The following BBS9 variants were observed in gnomAD, a reference collection of about 807,000 sequenced individuals.
BBS9 encodes Bardet-Biedl syndrome 9.
Under a neutral mutation model 117.7 loss-of-function variants are expected in BBS9, and 89 were observed. The ratio of observed to expected loss-of-function variants is 0.76; its 90% confidence interval spans 0.64 to 0.90. The LOEUF is 0.90. BBS9 is among the 40% of genes least tolerant of loss of function. BBS9 has a pLI of 0.00. For missense variants in BBS9, 982 were observed against 1,042.2 expected, an observed-to-expected ratio of 0.94 and a Z score of 0.80; for synonymous variants, 379 against 370.9, an observed-to-expected ratio of 1.02 and a Z score of -0.25.
At chr7:33,263,460 A>G (rs575037088) in intron 6 of BBS9, among the ~76,000 whole-genome samples, 2 of 152,288 alleles carry the variant, frequency 1.3e-5, no homozygotes, top group African/African-American at 4.8e-5. Flanking sequence ...TATGCCATTA[A>G]TTAATGAGAA....
rs763552337 is a variant in BBS9 at position 33,349,115 on chromosome 7, C to T, written c.1377C>T (p.Val459=). ...TATTGCAAAAAGCCAAATTATCAGT[C>T]TACGTGCAACCACCATTAGAATTGA... is the stretch of plus-strand genomic sequence containing the variant. The part of the protein sequence containing the change: ...RVILQKAKLS[V]YVQPPLELTC... The change falls in exon 13 of 23, where the codon GTC becomes GTT. Residue 459 remains valine (V), a synonymous_variant. Coordinates refer to ENST00000242067, the MANE Select transcript of BBS9 (RefSeq NM_198428.3). The T allele has an allele frequency of 9.9e-6, 16 of 1,613,340 alleles. No individual in the cohort carries two copies. Among genetic ancestry groups the T allele is most frequent in the African/African-American group, 1.3e-5 (1 of 74,898 alleles).
At chr7:33,152,954 T>G in intron 3 of BBS9, 103 bp downstream of exon 3, 1 of 1,334,090 alleles carries the variant, frequency 7.5e-7, no homozygotes, top group Non-Finnish European at 1.1e-6. Flanking sequence ...GAATTAAATA[T>G]ATTTTCTGGA....
chr7:33,259,541 A>T (rs1016498245), intron 6 of BBS9, among the ~76,000 whole-genome samples: 14 of 145,012 alleles, frequency 9.7e-5, no homozygotes, highest in South Asian at 8.7e-4. Flanking sequence ...GCCCTGAGAC[A>T]TTTTTTTTTT....
chr7:33,458,396 T>C (rs1838959098), intron 19 of BBS9, among the ~76,000 whole-genome samples: 1 of 152,186 alleles, frequency 6.6e-6, no homozygotes, highest in Non-Finnish European at 1.5e-5. Flanking sequence ...TTTGAGAGTA[T>C]ATGGTATCAG....
At chr7:33,196,238 T>TAA (rs959648679) in intron 5 of BBS9, among the ~76,000 whole-genome samples, 2 of 152,172 alleles carry the variant, frequency 1.3e-5, no homozygotes, top group African/African-American at 4.8e-5. Flanking sequence ...TCTGAGGTTT[T>TAA]GCTACATCTT....
In BBS9 at chr7:33,542,772, A is replaced by AGT. The variant is rs1230970540; in HGVS notation, c.2521+8597_2521+8598dup. Among the ~76,000 whole-genome samples the AGT allele has an allele frequency of 2.6e-3, 262 of 102,238 alleles. 3 individuals are homozygous for AGT. Among genetic ancestry groups the AGT allele is most frequent in the African/African-American group, 8.0e-3 (209 of 26,160 alleles). The allele number at this position is 102,238 out of a possible 152,430, so 67.1% of individuals were successfully genotyped here. A position where few individuals can be genotyped will look rare whatever the true frequency, so the allele number is the denominator to read the frequency against. ...ATATATATACACGTATGTATATGTG[A>AGT]GTATATATATATATATGTACACACA... is the stretch of plus-strand genomic sequence containing the variant. On this transcript the variant is annotated intron_variant, in intron 21 of 22. Transcript: ENST00000242067.
At chr7:33,539,864 C>T (rs1852003376) in intron 21 of BBS9, among the ~76,000 whole-genome samples, 2 of 152,152 alleles carry the variant, frequency 1.3e-5, no homozygotes, top group Non-Finnish European at 2.9e-5. Context: ...GCAGCCAATT[C>T]GTGTTGTATT....
intron 21 of BBS9, among the ~76,000 whole-genome samples, chr7:33,593,490 CTAAA>C (rs1862262074): frequency 8.2e-6 from 1 of 122,018 alleles, no homozygotes; most frequent in Non-Finnish European, 1.5e-5. Flanking sequence ...AGGTTAAGAA[CTAAA>C]TGTGTTAGAA....
At chr7:33,275,907 A>C (rs1421378756) in intron 9 of BBS9, among the ~76,000 whole-genome samples, 1 of 152,182 alleles carries the variant, frequency 6.6e-6, no homozygotes, top group East Asian at 1.9e-4. Context: ...CCAAATTTTC[A>C]TATAGTGTGC....
chr7:33,364,742 C>T lies in BBS9; in HGVS notation c.1694-3025C>T, dbSNP rs188073297. Among the ~76,000 whole-genome samples the T allele has an allele frequency of 4.1e-3, 579 of 142,666 alleles. 1 individual carries two copies. The highest frequency in any genetic ancestry group is 6.6e-3 in the Non-Finnish European group (433 of 65,490). The allele number at this position is 142,666 out of a possible 152,430, so 93.6% of individuals were successfully genotyped here. A position where few individuals can be genotyped will look rare whatever the true frequency, so the allele number is the denominator to read the frequency against. ...CCTCCTCCCCCTCCTCTCACCTCCC[C>T]TCCTCTCTCAGGGTCTTGCTCTGTC... On this transcript the variant is annotated intron_variant, in intron 16 of 22. Transcript: ENST00000242067.
intron 4 of BBS9, among the ~76,000 whole-genome samples, chr7:33,161,003 C>A (rs1794755241): frequency 6.6e-6 from 1 of 152,094 alleles, no homozygotes; most frequent in Non-Finnish European, 1.5e-5. Flanking sequence ...GTTTAAATGG[C>A]TCATCAGCTA....
intron 21 of BBS9, among the ~76,000 whole-genome samples, chr7:33,537,198 G>A (rs1851581882): frequency 6.6e-6 from 1 of 152,186 alleles, no homozygotes; most frequent in Admixed American, 6.5e-5. Flanking sequence ...TTAAATTGCA[G>A]ATGGATAAAC....
At chr7:33,226,798 A>G (rs1791366676) in intron 5 of BBS9, among the ~76,000 whole-genome samples, 1 of 152,204 alleles carries the variant, frequency 6.6e-6, no homozygotes, top group Non-Finnish European at 1.5e-5. Flanking sequence ...AAAAAGACAA[A>G]TATTGTATGA....
intron 12 of BBS9, among the ~76,000 whole-genome samples, chr7:33,345,860 T>A (rs1177108985): frequency 6.6e-6 from 1 of 152,202 alleles, no homozygotes; most frequent in Non-Finnish European, 1.5e-5. Flanking sequence ...TCTTGTGCCT[T>A]AACTAGATAA....
At chr7:33,297,103 A>G (rs1805430595) in intron 9 of BBS9, among the ~76,000 whole-genome samples, 1 of 152,180 alleles carries the variant, frequency 6.6e-6, no homozygotes, top group Admixed American at 6.6e-5. Context: ...TGCAAGCCTT[A>G]GAAAACAAGC....
intron 21 of BBS9, among the ~76,000 whole-genome samples, chr7:33,591,570 T>C (rs1861924903): frequency 6.6e-6 from 1 of 152,020 alleles, no homozygotes; most frequent in South Asian, 2.1e-4. Context: ...CATATAAAAA[T>C]AATTGGTGTT....
intron 9 of BBS9, among the ~76,000 whole-genome samples, 165 bp from the exon 10 acceptor site, chr7:33,336,276 G>A (rs931594359): frequency 1.3e-5 from 2 of 152,114 alleles, no homozygotes; most frequent in Non-Finnish European, 2.9e-5. Flanking sequence ...AATACAAATC[G>A]TGTTTGAAAC....
chr7:33,421,822 TACCTCCAGATA>T (rs1379237658), intron 19 of BBS9, among the ~76,000 whole-genome samples: 6 of 152,198 alleles, frequency 3.9e-5, no homozygotes, highest in Admixed American at 3.9e-4. Context: ...ACATGGTTGG[TACCTCCAGATA>T]ACACTTGAAA....
intron 2 of BBS9, 57 bp from the exon 3 acceptor site, chr7:33,152,644 A>G: frequency 1.3e-6 from 2 of 1,487,310 alleles, no homozygotes; most frequent in Admixed American, 3.5e-5. Flanking sequence ...TTATTTCCTA[A>G]GAGATTTGCT....
Sources: gnomAD v4.1 joint callset for allele counts (sites outside exome capture counted in the v4.1 genomes callset) on GRCh38, gnomAD v4.1.1 for gene constraint, MANE v1.5 for transcripts, NCBI Gene and HGNC (gene_info 2026-07-23, HGNC 2026-07-21) for gene names.